WWOX: variants seen among roughly 807,000 people sequenced by gnomAD.
WWOX encodes WW domain-containing oxidoreductase.
Under a neutral mutation model 46.2 loss-of-function variants are expected in WWOX, and 69 were observed. The ratio of observed to expected loss-of-function variants is 1.49; its 90% CI spans 1.23 to 1.82. The LOEUF (loss-of-function observed/expected upper bound fraction) is 1.82, where lower values mean the gene tolerates loss of function less well. Ranked by LOEUF, WWOX falls within the 40% of genes most tolerant of loss-of-function variation. The probability of loss-of-function intolerance (pLI) is 0.00; values close to 1 mark genes in which losing one functional copy is unlikely to be tolerated. For synonymous variants in WWOX, 359 were observed against 202.6 expected (o/e 1.77, Z -6.56); for missense variants, 919 against 542.6 (o/e 1.69, Z -6.89).
At chr16:78,552,624 G>A (rs145573833) in intron 8 of WWOX, 2 of 152,306 alleles carry the variant, frequency 1.3e-5, no homozygotes, top group South Asian at 2.1e-4. Flanking sequence ...ATCCACGCGT[G>A]TCTTTCTCAT....
chr16:78,925,011 A>G (rs1021972560), intron 8 of WWOX, among the ~76,000 whole-genome samples: 2 of 152,142 alleles, frequency 1.3e-5, no homozygotes, highest in Admixed American at 1.3e-4. Flanking sequence ...CCTGGGCAAC[A>G]TGGCAAAACC....
At chr16:78,513,787 G>A (rs62033971) in intron 8 of WWOX, among the ~76,000 whole-genome samples, 1,700 of 152,038 alleles carry the variant, frequency 0.011, 18 homozygotes, top group Middle Eastern at 0.027. Context: ...CCAAACTTAC[G>A]TCACCACTTA....
At chr16:78,583,502 C>G (rs995030759) in intron 8 of WWOX, among the ~76,000 whole-genome samples, 3 of 152,164 alleles carry the variant, frequency 2.0e-5, no homozygotes, top group Non-Finnish European at 2.9e-5. Flanking sequence ...CATCCCAGGT[C>G]ATAAAATGTA....
intron 6 of WWOX, among the ~76,000 whole-genome samples, chr16:78,421,982 A>G (rs1309054656): frequency 2.6e-5 from 4 of 152,214 alleles, no homozygotes; most frequent in East Asian, 1.9e-4. Context: ...TTTATACAAG[A>G]TAATACAAAT....
At chr16:79,035,749 G>T (rs962442998) in intron 8 of WWOX, among the ~76,000 whole-genome samples, 3 of 151,346 alleles carry the variant, frequency 2.0e-5, no homozygotes, top group Admixed American at 2.0e-4. Context: ...ATGTTGGCCA[G>T]GCTGGTGTCA....
chr16:79,183,562 T>C (rs1009083272), intron 8 of WWOX, among the ~76,000 whole-genome samples: 23 of 152,224 alleles, frequency 1.5e-4, no homozygotes, highest in Admixed American at 6.5e-4. Context: ...ACTGTATTCT[T>C]ACTCTCCCTC....
At chr16:78,707,283 C>A (rs76197241) in intron 8 of WWOX, among the ~76,000 whole-genome samples, 1 of 152,176 alleles carries the variant, frequency 6.6e-6, no homozygotes, top group Non-Finnish European at 1.5e-5. Context: ...CAGAAGTTAA[C>A]GTACATGCAA....
At chr16:78,787,881 T>G (rs1003763216) in intron 8 of WWOX, among the ~76,000 whole-genome samples, 21 of 152,198 alleles carry the variant, frequency 1.4e-4, no homozygotes, top group African/African-American at 5.1e-4. Flanking sequence ...TTGATTTGCA[T>G]TTCCCTCATG....
chr16:78,419,820 G>C (rs1173211043), intron 6 of WWOX, among the ~76,000 whole-genome samples: 1 of 152,078 alleles, frequency 6.6e-6, no homozygotes, highest in Non-Finnish European at 1.5e-5. Context: ...AAAAGTGTTT[G>C]TGCTGCAAAT....
At chr16:79,151,066 C>G (rs945185410) in intron 8 of WWOX, among the ~76,000 whole-genome samples, 6 of 152,152 alleles carry the variant, frequency 3.9e-5, no homozygotes, top group Admixed American at 3.3e-4. Context: ...CTGCTATTGG[C>G]ACATCTATGA....
chr16:78,920,256 A>G (rs568580921), intron 8 of WWOX, among the ~76,000 whole-genome samples: 1 of 152,336 alleles, frequency 6.6e-6, no homozygotes, highest in Admixed American at 6.5e-5. Context: ...GTGACACCTG[A>G]CATTTCACTG....
chr16:78,390,018 A>G (rs2082146383), intron 6 of WWOX, among the ~76,000 whole-genome samples: 1 of 152,238 alleles, frequency 6.6e-6, no homozygotes, highest in African/African-American at 2.4e-5. Context: ...AACTGCTGGA[A>G]TTACAGGCGT....
intron 6 of WWOX, among the ~76,000 whole-genome samples, chr16:78,416,749 A>G (rs1466053676): frequency 1.3e-5 from 2 of 152,252 alleles, no homozygotes; most frequent in Non-Finnish European, 1.5e-5. Flanking sequence ...GAGGAATTTA[A>G]TTTTGTCTTG....
At chr16:78,737,265 A>C (rs984329187) in intron 8 of WWOX, among the ~76,000 whole-genome samples, 1 of 151,328 alleles carries the variant, frequency 6.6e-6, no homozygotes, top group East Asian at 1.9e-4. Flanking sequence ...ATACTTCGCT[A>C]ATTTTTGTAT....
At chr16:79,043,385 T>G (rs1172434003) in intron 8 of WWOX, among the ~76,000 whole-genome samples, 1 of 152,158 alleles carries the variant, frequency 6.6e-6, no homozygotes, top group South Asian at 2.1e-4. Flanking sequence ...TTGTTCTTTG[T>G]GGATTCTGAG....
chr16:78,298,421 C>T (rs1415548676), intron 5 of WWOX, among the ~76,000 whole-genome samples: 1 of 152,098 alleles, frequency 6.6e-6, no homozygotes, highest in Non-Finnish European at 1.5e-5. Flanking sequence ...GGCTCTGCCC[C>T]TCAATGCCTG....
intron 8 of WWOX, among the ~76,000 whole-genome samples, chr16:78,465,327 G>A (rs1567589138): frequency 6.6e-6 from 1 of 152,232 alleles, no homozygotes; most frequent in Non-Finnish European, 1.5e-5. Context: ...ATGTGGCCCT[G>A]AGGGAGGATT....
chr16:78,522,186 T>C (rs2043363144), intron 8 of WWOX, among the ~76,000 whole-genome samples: 1 of 151,648 alleles, frequency 6.6e-6, no homozygotes, highest in Admixed American at 6.6e-5. Context: ...TTGAGATTTA[T>C]TCATCTTTGG....
chr16:78,218,128 C>T (rs532910471), intron 5 of WWOX, among the ~76,000 whole-genome samples: 4 of 152,110 alleles, frequency 2.6e-5, no homozygotes, highest in Admixed American at 6.5e-5. Context: ...AATCACAGCT[C>T]ACTGCAGCCT....
Sources: gnomAD v4.1 joint callset for allele counts (sites outside exome capture counted in the v4.1 genomes callset) on GRCh38, gnomAD v4.1.1 for gene constraint, MANE v1.5 for transcripts, NCBI Gene and HGNC (gene_info 2026-07-23, HGNC 2026-07-21) for gene names.